The following ANKS1B variants were observed in gnomAD, a reference collection of about 807,000 sequenced individuals.
The protein encoded by ANKS1B is ankyrin repeat and sterile alpha motif domain-containing protein 1B.
In ANKS1B, 36 loss-of-function variants were observed where a neutral mutation model predicts 148.3. That is an observed-to-expected ratio of 0.24 (90% CI 0.19 to 0.32). ANKS1B has a LOEUF of 0.32. Ranked by LOEUF, ANKS1B falls within the 10% of genes least tolerant of loss-of-function variation. ANKS1B has a pLI of 1.00. For missense variants in ANKS1B, 1,157 were observed against 1,542.6 expected (o/e 0.75, Z 4.19); for synonymous variants, 542 against 560.8 (o/e 0.97, Z 0.47).
intron 9 of ANKS1B, among the ~76,000 whole-genome samples, chr12:99,639,493 G>C (rs187358190): frequency 8.3e-4 from 127 of 152,198 alleles, no homozygotes; most frequent in African/African-American, 2.0e-3. Flanking sequence ...ACCAGGGGTG[G>C]AATGATATGG....
intron 14 of ANKS1B, among the ~76,000 whole-genome samples, chr12:99,210,303 T>G (rs1225381154): frequency 6.6e-6 from 1 of 152,198 alleles, no homozygotes; most frequent in Non-Finnish European, 1.5e-5. Flanking sequence ...ACAGACAGCT[T>G]GTGCCCAGAT....
chr12:99,432,324 G>A (rs1248178881), intron 11 of ANKS1B, among the ~76,000 whole-genome samples: 1 of 152,126 alleles, frequency 6.6e-6, no homozygotes, highest in Non-Finnish European at 1.5e-5. Flanking sequence ...AGGTCACTTT[G>A]AGCATTTCCT....
intron 14 of ANKS1B, among the ~76,000 whole-genome samples, chr12:99,165,547 A>C (rs2077112678): frequency 6.6e-6 from 1 of 151,950 alleles, no homozygotes; most frequent in South Asian, 2.1e-4. Context: ...TCATTAAGAG[A>C]AGCAAGGTAC....
intron 9 of ANKS1B, among the ~76,000 whole-genome samples, chr12:99,584,028 C>T (rs2097597448): frequency 6.6e-6 from 1 of 152,150 alleles, no homozygotes; most frequent in Admixed American, 6.5e-5. Context: ...GACTCTAGAG[C>T]CCCTTTTTCC....
At chr12:99,955,262 C>T (rs1187325920) in intron 1 of ANKS1B, among the ~76,000 whole-genome samples, 1 of 152,072 alleles carries the variant, frequency 6.6e-6, no homozygotes, top group Admixed American at 6.6e-5. Context: ...TGACAGTGCA[C>T]ATCAGAGCAG....
intron 12 of ANKS1B, among the ~76,000 whole-genome samples, chr12:99,332,600 CAGG>C (rs933412879): frequency 6.7e-6 from 1 of 149,956 alleles, no homozygotes; most frequent in Non-Finnish European, 1.5e-5. Context: ...ACTGGGATTA[CAGG>C]AGAACAAGTA....
chr12:99,161,513 TA>T (rs1485830191), intron 14 of ANKS1B, among the ~76,000 whole-genome samples: 4 of 151,908 alleles, frequency 2.6e-5, no homozygotes, highest in Non-Finnish European at 5.9e-5. Context: ...ACCCTGTCTG[TA>T]AAAAAACAAA....
At position 99,118,235 on chromosome 12, in the gene ANKS1B, T is replaced by C. The variant is rs951734686; in HGVS notation, c.2527-33212A>G. On this transcript the variant is annotated intron_variant, in intron 15 of 26. Transcript: ENST00000683438. ...TTCTTATTACAAAATATTGATCTAG[T>C]GGTTGTTGGGAAAATATAAATGTAC... Among the ~76,000 whole-genome samples the C allele has an allele frequency of 3.7e-4, 57 of 152,172 alleles. 3 individuals carry two copies. Among genetic ancestry groups the C allele is most frequent in the Non-Finnish European group, 1.5e-5 (1 of 68,018 alleles).
intron 15 of ANKS1B, among the ~76,000 whole-genome samples, chr12:99,106,766 C>T (rs1325682035): frequency 2.0e-5 from 3 of 152,036 alleles, no homozygotes; most frequent in African/African-American, 7.3e-5. Context: ...ATCATAGTTG[C>T]CTTATTGTGC....
intron 8 of ANKS1B, among the ~76,000 whole-genome samples, chr12:99,703,217 A>G (rs908673420): frequency 6.6e-6 from 1 of 152,116 alleles, no homozygotes; most frequent in East Asian, 1.9e-4. Context: ...ATCAATCTGA[A>G]ATATTCCATT....
chr12:99,960,447 T>C (rs1410231872), intron 1 of ANKS1B, among the ~76,000 whole-genome samples: 3 of 152,236 alleles, frequency 2.0e-5, no homozygotes, highest in Non-Finnish European at 4.4e-5. Context: ...TGTTTTCTCT[T>C]TAGTCACAGA....
At chr12:99,550,797 TACA>T (rs750550203) in intron 9 of ANKS1B, among the ~76,000 whole-genome samples, 4 of 152,136 alleles carry the variant, frequency 2.6e-5, no homozygotes, top group Admixed American at 2.0e-4. Context: ...CTAATTAAAA[TACA>T]ACAACAACTA....
chr12:99,685,219 C>T (rs555971274), intron 8 of ANKS1B, among the ~76,000 whole-genome samples: 2 of 152,192 alleles, frequency 1.3e-5, no homozygotes, highest in East Asian at 1.9e-4. Flanking sequence ...CTACAAGGAA[C>T]TCAAACAAAT....
intron 14 of ANKS1B, among the ~76,000 whole-genome samples, chr12:99,220,413 T>G (rs2084914786): frequency 6.6e-6 from 1 of 150,858 alleles, no homozygotes; most frequent in African/African-American, 2.4e-5. Flanking sequence ...AAACAAAATA[T>G]AATTTGGCAT....
intron 12 of ANKS1B, among the ~76,000 whole-genome samples, chr12:99,357,610 T>A (rs2092118650): frequency 6.6e-6 from 1 of 152,192 alleles, no homozygotes; most frequent in African/African-American, 2.4e-5. Context: ...TGTTTATGTG[T>A]CTGTGTCTCC....
At chr12:99,270,617 ATCC>A (rs1446222514) in intron 12 of ANKS1B, among the ~76,000 whole-genome samples, 1 of 152,136 alleles carries the variant, frequency 6.6e-6, no homozygotes, top group Non-Finnish European at 1.5e-5. Context: ...TCCTTATAAT[ATCC>A]TGTCTGGGTA....
intron 9 of ANKS1B, among the ~76,000 whole-genome samples, chr12:99,610,992 G>A (rs2097897094): frequency 6.6e-6 from 1 of 152,042 alleles, no homozygotes. Context: ...GCCAAAAAAG[G>A]TTCTATAATC....
At chr12:99,367,132 G>T (rs1342799810) in intron 12 of ANKS1B, among the ~76,000 whole-genome samples, 1 of 152,236 alleles carries the variant, frequency 6.6e-6, no homozygotes, top group South Asian at 2.1e-4. Context: ...AAAAAACGTG[G>T]GGAGAGGAGT....
chr12:98,960,733 T>C (rs113222349), intron 17 of ANKS1B, among the ~76,000 whole-genome samples: 1 of 152,160 alleles, frequency 6.6e-6, no homozygotes, highest in East Asian at 1.9e-4. Flanking sequence ...ATAACTGTTT[T>C]GAGGAAATGC....
Sources: gnomAD v4.1 joint callset for allele counts (sites outside exome capture counted in the v4.1 genomes callset) on GRCh38, gnomAD v4.1.1 for gene constraint, MANE v1.5 for transcripts, NCBI Gene and HGNC (gene_info 2026-07-23, HGNC 2026-07-21) for gene names.